The following TNS1 variants were observed in gnomAD, a reference collection of about 807,000 sequenced individuals.
TNS1 encodes the protein tensin 1.
TNS1 carries 62 observed loss-of-function variants against 168.6 expected under a neutral mutation model. The observed-to-expected ratio is 0.37, with a 90% confidence interval of 0.30 to 0.45. TNS1 has a LOEUF of 0.45. Ranked by LOEUF, TNS1 falls within the 20% of genes least tolerant of loss-of-function variation. The pLI is 1.00. For missense variants in TNS1, 2,240 were observed against 2,339.4 expected, an observed-to-expected ratio of 0.96 and a Z score of 0.88; for synonymous variants, 934 against 933.2, an observed-to-expected ratio of 1.00 and a Z score of -0.02.
chr2:217,874,744 A>C (rs1950070126), intron 18 of TNS1, among the ~76,000 whole-genome samples: 1 of 152,184 alleles, frequency 6.6e-6, no homozygotes, highest in African/African-American at 2.4e-5. Flanking sequence ...GGCATGCGCC[A>C]CTCTGCTTTT....
chr2:217,855,480 C>T (rs1435509663), intron 18 of TNS1, among the ~76,000 whole-genome samples: 1 of 152,216 alleles, frequency 6.6e-6, no homozygotes, highest in African/African-American at 2.4e-5. Flanking sequence ...TGACAACAGT[C>T]ACCCACAGAA....
In TNS1 at chr2:217,848,595, A is replaced by T. The variant is rs781165822; in HGVS notation, c.1922T>A (p.Met641Lys). Residue 641 changes from methionine (M) to lysine (K), a missense_variant, in exon 19 of 33, where the codon ATG (methionine) becomes AAG (lysine). Physicochemically the swap from Met to Lys is moderately conservative, Grantham distance 95 (BLOSUM62 -1). This residue lies in a region of TNS1 where 2,131 missense variants were observed against 2,171.2 expected (regional missense o/e 0.98). Coordinates refer to ENST00000682258, the MANE Select transcript of TNS1 (RefSeq NM_001387777.1). ...PNQDGHSAGS[M>K]GTLSSLDGVT... ...CCCGTCCAGAGAAGAGAGTGTGCCC[A>T]TGCTGCCCGCACTGTGACCATCCTG... is the stretch of plus-strand genomic sequence containing the variant. 4.3e-6 allele frequency: 7 copies of T among 1,614,036 alleles called. No individual in the cohort carries two copies. Among genetic ancestry groups the T allele is most frequent in the Non-Finnish European group, 5.9e-6 (7 of 1,180,014 alleles).
chr2:217,863,742 A>C (rs569865094), intron 18 of TNS1, among the ~76,000 whole-genome samples: 1 of 152,186 alleles, frequency 6.6e-6, no homozygotes, highest in African/African-American at 2.4e-5. Context: ...ACAGCCATCA[A>C]GGAAGAGAAA....
intron 12 of TNS1, among the ~76,000 whole-genome samples, chr2:217,889,858 C>T (rs1951569642): frequency 6.6e-6 from 1 of 152,208 alleles, no homozygotes; most frequent in African/African-American, 2.4e-5. Flanking sequence ...ATCCAGGTCT[C>T]CAGTTTGGGC....
intron 18 of TNS1, among the ~76,000 whole-genome samples, chr2:217,865,151 C>A (rs1949159412): frequency 6.6e-6 from 1 of 152,082 alleles, no homozygotes; most frequent in South Asian, 2.1e-4. Context: ...TCAAGGGGTC[C>A]CTGTGGCTCC....
upstream of TNS1, among the ~76,000 whole-genome samples, chr2:218,015,008 G>C (rs1958745264): frequency 6.6e-6 from 1 of 152,162 alleles, no homozygotes; most frequent in African/African-American, 2.4e-5. Context: ...TGGATTATGG[G>C]CCAGTAGGAA....
chr2:217,908,891 T>G (rs1245236927), intron 4 of TNS1, among the ~76,000 whole-genome samples: 1 of 152,104 alleles, frequency 6.6e-6, no homozygotes, highest in Non-Finnish European at 1.5e-5. Context: ...TTCTCTCCAC[T>G]TGGAGTCCGA....
chr2:218,007,229 C>A (rs1958666243), upstream of TNS1, among the ~76,000 whole-genome samples: 1 of 152,198 alleles, frequency 6.6e-6, no homozygotes, highest in Non-Finnish European at 1.5e-5. Flanking sequence ...CCCTCTCAGC[C>A]CCTCAGATTC....
chr2:217,963,712 A>G (rs781488537), intron 3 of TNS1, among the ~76,000 whole-genome samples: 1 of 150,970 alleles, frequency 6.6e-6, no homozygotes, highest in Non-Finnish European at 1.5e-5. Context: ...GTATTAACTC[A>G]TCACGTGAGC....
chr2:217,898,331 C>A (rs2125739665), intron 7 of TNS1, among the ~76,000 whole-genome samples: 1 of 152,368 alleles, frequency 6.6e-6, no homozygotes. Context: ...CTCTGGCTCC[C>A]AACACTGGCT....
At chr2:217,907,286 G>C in intron 4 of TNS1, 35 bp from the exon 5 acceptor site, 1 of 702,838 alleles carries the variant, frequency 1.4e-6, no homozygotes, top group Non-Finnish European at 2.6e-6. Flanking sequence ...TGAGCCCTTA[G>C]GGCAGACATC....
intron 19 of TNS1, among the ~76,000 whole-genome samples, chr2:217,846,770 C>A (rs373998062): frequency 6.6e-6 from 1 of 152,222 alleles, no homozygotes; most frequent in Non-Finnish European, 1.5e-5. Context: ...CTGAGTGTCC[C>A]ACTTTCCTCT....
chr2:218,010,303 G>GCCCTA (rs1487015580), exon 1 of TNS1: 2 of 396,958 alleles, frequency 5.0e-6, no homozygotes, highest in East Asian at 3.6e-5. Flanking sequence ...CGGGCGCCCT[G>GCCCTA]CCCTACCCTG....
intron 28 of TNS1, among the ~76,000 whole-genome samples, chr2:217,811,603 C>T (rs1349551862): frequency 1.3e-5 from 2 of 152,158 alleles, no homozygotes; most frequent in Admixed American, 6.5e-5. Flanking sequence ...CAGACCGTTC[C>T]GAGACCTTGC....
At chr2:217,886,715 T>C (rs1951238269) in intron 12 of TNS1, 69 bp from the exon 13 acceptor site, 2 of 1,254,744 alleles carry the variant, frequency 1.6e-6, no homozygotes, top group South Asian at 1.3e-5. Context: ...TGTTCTCTCT[T>C]TTCCAAGAAC....
intron 19 of TNS1, among the ~76,000 whole-genome samples, chr2:217,838,553 C>T (rs2125346208): frequency 6.6e-6 from 1 of 152,368 alleles, no homozygotes. Context: ...GCAGTGCCTC[C>T]CTCTGCGGAA....
At position 217,848,327 on chromosome 2, in the gene TNS1, G is replaced by T. The variant is rs1354305550; in HGVS notation, c.2190C>A (p.Thr730=). ...TGGGGTCATGGGCATAGTGGGAGGTGGTCACTGGCTGTGGCCAGGCTGGGT... is the reference window on the plus strand; with the variant it reads ...TGGGGTCATGGGCATAGTGGGAGGTTGTCACTGGCTGTGGCCAGGCTGGGT... ...GPHPAWPQPV[T]TSHYAHDPSG... is the part of the protein sequence containing the mutation. The change falls in exon 19 of 33, where the codon ACC becomes ACA. Residue 730 remains threonine, a synonymous_variant. Coordinates refer to ENST00000682258, the MANE Select transcript of TNS1 (RefSeq NM_001387777.1). The T allele has an allele frequency of 2.6e-6, 4 of 1,537,286 alleles. No individual in the cohort carries two copies. The Admixed American group carries it at 6.0e-5, about 23-fold the overall frequency.
chr2:217,968,020 A>G (rs1212025599), intron 3 of TNS1, among the ~76,000 whole-genome samples: 2 of 152,256 alleles, frequency 1.3e-5, no homozygotes. Flanking sequence ...TTGATGTATT[A>G]TACTGTATCA....
intron 4 of TNS1, 24 bp downstream of exon 4, chr2:217,920,171 G>C: frequency 1.4e-6 from 1 of 703,034 alleles, no homozygotes; most frequent in Non-Finnish European, 2.6e-6. Flanking sequence ...AGGGCTTGCA[G>C]GGCAAGGAAG....
Sources: allele counts gnomAD v4.1 joint callset (sites outside exome capture counted in the v4.1 genomes callset), GRCh38; gene constraint gnomAD v4.1.1; regional missense constraint gnomAD v4.1.1; transcripts MANE v1.5; gene names NCBI Gene and HGNC (gene_info 2026-07-23, HGNC 2026-07-21).